Variants in LBH observed in about 807,000 individuals in gnomAD.
LBH encodes protein LBH.
LBH carries 7 observed loss-of-function variants against 12.5 expected under a neutral mutation model. That is an observed-to-expected ratio of 0.56 (90% CI 0.32 to 1.05). The LOEUF is 1.05. Among genes scored for constraint, LBH ranks in the 50% least tolerant of loss-of-function variants. LBH has a pLI of 0.04. For synonymous variants in LBH, 51 were observed against 50.1 expected, an observed-to-expected ratio of 1.02 and a Z score of -0.08; for missense variants, 119 against 138.9, an observed-to-expected ratio of 0.86 and a Z score of 0.72.
intron 2 of LBH, among the ~76,000 whole-genome samples, chr2:30,255,325 C>T: frequency 6.6e-6 from 1 of 152,108 alleles, no homozygotes; most frequent in Admixed American, 6.5e-5. Flanking sequence ...CGTCTGGGCA[C>T]AGCGCCGTCT....
In LBH at chr2:30,257,686, C is replaced by G; in HGVS notation, c.*65C>G. The G allele has an allele frequency of 7.8e-7, 1 of 1,276,660 alleles. No individual in the cohort carries two copies. The highest frequency in any genetic ancestry group is 1.1e-6 in the Non-Finnish European group (1 of 934,906). 79.1% of individuals were successfully genotyped at this position (1,276,660 alleles called of 1,614,324 possible). ...TGTTCCTGAACTGTGTTTTTCCCAT[C>G]ATGACGGAAGAAGAGAGTGAGCCGC... On this transcript the variant is annotated 3_prime_UTR_variant, in exon 3 of 3. Transcript: ENST00000395323.
rs200733662 is a variant in LBH at position 30,231,714 on chromosome 2, G to T, written c.-25G>T. ...GGGACCGTTTTTAAATCACAGGGGC[G>T]TGTGTCAGCCTGCCCTAGGACTTCA... is the stretch of plus-strand genomic sequence containing the variant. On this transcript the variant is annotated 5_prime_UTR_variant, in exon 1 of 3. Transcript: ENST00000395323. 3 of 1,588,776 alleles carry T rather than the reference G, an allele frequency of 1.9e-6. No individual in the cohort carries two copies. The highest frequency in any genetic ancestry group is 2.6e-6 in the Non-Finnish European group (3 of 1,167,214).
chr2:30,236,344 A>G (rs1677689107), intron 2 of LBH, among the ~76,000 whole-genome samples: 1 of 152,132 alleles, frequency 6.6e-6, no homozygotes, highest in Admixed American at 6.5e-5. Context: ...GCAGCAGGAA[A>G]ATAAAATCAC....
At chr2:30,237,375 G>T (rs1677706357) in intron 2 of LBH, among the ~76,000 whole-genome samples, 1 of 152,178 alleles carries the variant, frequency 6.6e-6, no homozygotes, top group East Asian at 1.9e-4. Context: ...TGATTTCTCT[G>T]TACCAGCTGT....
At position 30,231,778 on chromosome 2, in the gene LBH, G is replaced by T. The variant is rs1334498883; in HGVS notation, c.26+14G>T. 1.3e-6 allele frequency: 2 copies of T among 1,556,422 alleles called. No homozygotes were observed. The highest frequency in any genetic ancestry group is 5.3e-5 in the East Asian group (2 of 37,956). On this transcript the variant is annotated intron_variant, in intron 1 of 2. Coordinates refer to ENST00000395323, the MANE Select transcript of LBH (RefSeq NM_030915.4). ...CCCCATTCACTGGTGAGTACCCTGC[G>T]CCTGCGGCGGGCGTCTGTCTCGCGG...
At chr2:30,234,376 G>A in intron 1 of LBH, 29 bp from the exon 2 acceptor site, 1 of 1,567,816 alleles carries the variant, frequency 6.4e-7, no homozygotes, top group Non-Finnish European at 8.8e-7. Flanking sequence ...GCGTGTGTTT[G>A]TTGACTTTTG....
At chr2:30,250,594 C>G (rs908463319) in intron 2 of LBH, among the ~76,000 whole-genome samples, 7 of 151,678 alleles carry the variant, frequency 4.6e-5, no homozygotes, top group African/African-American at 1.7e-4. Flanking sequence ...TCCTCTCCCA[C>G]CCCAGGGGCA....
At chr2:30,252,204 G>A (rs1677992336) in intron 2 of LBH, among the ~76,000 whole-genome samples, 1 of 152,166 alleles carries the variant, frequency 6.6e-6, no homozygotes. Flanking sequence ...GATAGTAAGT[G>A]AGATCTCATA....
intron 2 of LBH, among the ~76,000 whole-genome samples, chr2:30,240,590 C>G (rs968433912): frequency 6.6e-6 from 1 of 152,178 alleles, no homozygotes; most frequent in South Asian, 2.1e-4. Flanking sequence ...AGGAAGATAT[C>G]GTTATCAGCA....
At chr2:30,233,607 G>A (rs890035838) in intron 1 of LBH, among the ~76,000 whole-genome samples, 3 of 152,246 alleles carry the variant, frequency 2.0e-5, no homozygotes, top group African/African-American at 7.2e-5. Context: ...CCCAGAGTTT[G>A]TGCAAGGATA....
Position 30,238,885 on chromosome 2 carries a change from C to CTTT in LBH, c.129+4398_129+4400dup, listed in dbSNP as rs367954684. ...CTTCTTTCTCTCACTCCTCCCCACT[C>CTTT]TTTTTTTTTTTTTTTTTTTTTTGAG... On this transcript the variant is annotated intron_variant, in intron 2 of 2. Transcript: ENST00000395323. Among the ~76,000 whole-genome samples the CTTT allele has an allele frequency of 1.8e-3, 178 of 98,044 alleles. 1 individual carries two copies. The highest frequency in any genetic ancestry group is 4.4e-3 in the African/African-American group (111 of 25,362). 64.3% of individuals were successfully genotyped at this position (98,044 alleles called of 152,430 possible).
chr2:30,243,850 G>T (rs550427804), intron 2 of LBH, among the ~76,000 whole-genome samples: 1 of 152,094 alleles, frequency 6.6e-6, no homozygotes, highest in South Asian at 2.1e-4. Flanking sequence ...CTTAAAAGTA[G>T]ATCTTAACAT....
At chr2:30,253,077 GC>G (rs1678013925) in intron 2 of LBH, among the ~76,000 whole-genome samples, 1 of 152,236 alleles carries the variant, frequency 6.6e-6, no homozygotes. Context: ...CAGGCAGCAT[GC>G]CGGCCTGGCC....
intron 1 of LBH, 30 bp downstream of exon 1, chr2:30,231,794 T>A: frequency 6.5e-7 from 1 of 1,544,204 alleles, no homozygotes. Flanking sequence ...GGCGGGCGTC[T>A]GTCTCGCGGC....
intron 2 of LBH, among the ~76,000 whole-genome samples, chr2:30,244,300 G>C (rs895863060): frequency 1.3e-5 from 2 of 152,262 alleles, no homozygotes; most frequent in South Asian, 2.1e-4. Context: ...TGGCAGTTGA[G>C]TGTTAGAGAT....
intron 1 of LBH, 136 bp downstream of exon 1, chr2:30,231,900 G>T: frequency 2.1e-6 from 1 of 472,528 alleles, no homozygotes. Flanking sequence ...GCCCGAGCCC[G>T]TGCAGGAGTC....
At chr2:30,255,244 G>T (rs1190725915) in intron 2 of LBH, among the ~76,000 whole-genome samples, 1 of 152,222 alleles carries the variant, frequency 6.6e-6, no homozygotes, top group Non-Finnish European at 1.5e-5. Context: ...CCCATGGGGG[G>T]CTCTGGCCCC....
Position 30,257,461 on chromosome 2 carries a change from G to C in LBH, c.158G>C (p.Arg53Pro). 1 of 1,614,108 alleles carries C rather than the reference G, an allele frequency of 6.2e-7. No individual in the cohort carries two copies. The highest frequency in any genetic ancestry group is 8.5e-7 in the Non-Finnish European group (1 of 1,179,962). Residue 53 changes from arginine to proline, a missense_variant, in exon 3 of 3, where the codon CGC (arginine) becomes CCC (proline). Coordinates refer to ENST00000395323, the MANE Select transcript of LBH (RefSeq NM_030915.4). ...QIFPDPSDFD[R>P]CCKLKDRLPS... ...TTCCCAGACCCGTCAGATTTTGACC[G>C]CTGCTGCAAACTGAAGGACCGTCTG... is the stretch of plus-strand genomic sequence containing the variant.
At chr2:30,232,043 A>G (rs777156176) in intron 1 of LBH, 5 of 1,377,810 alleles carry the variant, frequency 3.6e-6, no homozygotes, top group Non-Finnish European at 4.8e-6. Flanking sequence ...GCCAGGGGTC[A>G]CGTGTGAATC....
Sources: gnomAD v4.1 joint callset for allele counts (sites outside exome capture counted in the v4.1 genomes callset) on GRCh38, gnomAD v4.1.1 for gene constraint, MANE v1.5 for transcripts, NCBI Gene and HGNC (gene_info 2026-07-23, HGNC 2026-07-21) for gene names.